STXBP6: variants seen among roughly 807,000 people sequenced by gnomAD.
STXBP6 encodes syntaxin binding protein 6.
A neutral mutation model predicts 26.9 loss-of-function variants in STXBP6; 21 were observed. That is an observed-to-expected ratio of 0.78 (90% CI 0.55 to 1.12). STXBP6 has a LOEUF of 1.12. STXBP6 is among the 50% of genes most tolerant of loss of function. The pLI, the probability that STXBP6 is intolerant of heterozygous loss-of-function variation, is 0.00. For missense variants in STXBP6, 232 were observed against 257.9 expected (o/e 0.90, Z 0.69); for synonymous variants, 97 against 92.6 (o/e 1.05, Z -0.27).
intron 1 of STXBP6, among the ~76,000 whole-genome samples, chr14:24,985,760 C>T (rs17109433): frequency 0.089 from 13,514 of 152,172 alleles, 1,975 homozygotes; most frequent in African/African-American, 0.31. Flanking sequence ...GGGCCTTACA[C>T]ACCAGCAGCT....
At position 24,809,864 on chromosome 14, in the gene STXBP6, G is replaced by A. The variant is rs2067772069; in HGVS notation, c.*2845C>T. On this transcript the variant is annotated 3_prime_UTR_variant, in exon 6 of 6. Transcript: ENST00000323944. ...CTATCTTTAATGCCCCTTATTTAGAGCATCCTGTAAATAATTTTAAATAGA... is the reference window on the plus strand; with the variant it reads ...CTATCTTTAATGCCCCTTATTTAGAACATCCTGTAAATAATTTTAAATAGA... The A allele has an allele frequency of 6.6e-6, 1 of 152,072 alleles. No homozygotes were observed. Among genetic ancestry groups the A allele is most frequent in the Admixed American group, 6.6e-5 (1 of 15,258 alleles). 9.4% of individuals were successfully genotyped at this position (152,072 alleles called of 1,614,324 possible).
intron 2 of STXBP6, among the ~76,000 whole-genome samples, chr14:24,892,815 A>G (rs1040683356): frequency 2.6e-5 from 4 of 152,212 alleles, no homozygotes; most frequent in African/African-American, 7.2e-5. Flanking sequence ...CTAAGATGTT[A>G]TCAAGCAGGA....
At chr14:24,875,836 G>A (rs2070122647) in intron 2 of STXBP6, among the ~76,000 whole-genome samples, 1 of 152,162 alleles carries the variant, frequency 6.6e-6, no homozygotes, top group Non-Finnish European at 1.5e-5. Flanking sequence ...GGGGAAATGA[G>A]TTGAGGGGTG....
intron 2 of STXBP6, among the ~76,000 whole-genome samples, chr14:24,886,789 T>C (rs1021717182): frequency 6.6e-6 from 1 of 152,194 alleles, no homozygotes; most frequent in Non-Finnish European, 1.5e-5. Context: ...AAAACACCAA[T>C]AAAGCAATTG....
chr14:24,943,422 T>A, intron 2 of STXBP6, among the ~76,000 whole-genome samples: 1 of 152,238 alleles, frequency 6.6e-6, no homozygotes, highest in East Asian at 1.9e-4. Context: ...CTGAAGCCAC[T>A]GCTTCTTTGG....
At chr14:24,965,595 T>C (rs1447470258) in intron 2 of STXBP6, among the ~76,000 whole-genome samples, 1 of 152,118 alleles carries the variant, frequency 6.6e-6, no homozygotes, top group Non-Finnish European at 1.5e-5. Context: ...CACACACATA[T>C]ACACAGTTCA....
chr14:24,913,268 A>C lies in STXBP6; in HGVS notation c.155-56111T>G, dbSNP rs188948074. 3.3e-4 allele frequency among the ~76,000 whole-genome samples: 51 copies of C among 152,326 alleles called. 1 individual carries two copies. Among genetic ancestry groups the C allele is most frequent in the African/African-American group, 1.2e-3 (49 of 41,588 alleles). ...ACAGTCCTGGAGATGAGGACCAGTT[A>C]ATAAGGAATGGGTCATCTGCTATAG... On this transcript the variant is annotated intron_variant, in intron 2 of 5. Coordinates refer to ENST00000323944, the MANE Select transcript of STXBP6 (RefSeq NM_001394410.1).
At chr14:24,867,651 T>C (rs779951779) in intron 2 of STXBP6, among the ~76,000 whole-genome samples, 1 of 150,372 alleles carries the variant, frequency 6.7e-6, no homozygotes, top group Non-Finnish European at 1.5e-5. Context: ...CTTTGTACTA[T>C]ACACAAAAAA....
intron 2 of STXBP6, among the ~76,000 whole-genome samples, chr14:24,944,513 T>C (rs972122113): frequency 2.6e-5 from 4 of 152,130 alleles, no homozygotes; most frequent in Non-Finnish European, 5.9e-5. Flanking sequence ...CCAGTGAAAA[T>C]GCGACTGCCT....
intron 2 of STXBP6, among the ~76,000 whole-genome samples, chr14:24,970,252 A>G (rs2073865261): frequency 6.6e-6 from 1 of 152,176 alleles, no homozygotes; most frequent in Non-Finnish European, 1.5e-5. Context: ...AAAAAAAAAA[A>G]AATCAATTTC....
At chr14:24,869,613 C>A (rs1020640644) in intron 2 of STXBP6, among the ~76,000 whole-genome samples, 3 of 152,070 alleles carry the variant, frequency 2.0e-5, no homozygotes, top group African/African-American at 7.2e-5. Flanking sequence ...ATAATTTGTG[C>A]CTAAATCGCA....
At chr14:25,013,033 A>T (rs914016715) in intron 1 of STXBP6, among the ~76,000 whole-genome samples, 1 of 152,188 alleles carries the variant, frequency 6.6e-6, no homozygotes, top group Non-Finnish European at 1.5e-5. Flanking sequence ...CTGAGGCTGC[A>T]GTGAGCTACG....
At chr14:24,849,591 A>C (rs571765573) in intron 4 of STXBP6, among the ~76,000 whole-genome samples, 2 of 152,190 alleles carry the variant, frequency 1.3e-5, no homozygotes, top group East Asian at 3.9e-4. Context: ...CATTTTCCTC[A>C]TCTGTACTTG....
chr14:24,850,476 C>T lies in STXBP6; in HGVS notation c.451+5460G>A, dbSNP rs1442210045. On this transcript the variant is annotated intron_variant, in intron 4 of 5. Transcript: ENST00000323944. ...ATATATGGCACTTCAAAATAGCCTG[C>T]TTTGTGAAAAAACAATCTGCCACAT... is the stretch of plus-strand genomic sequence containing the variant. 3.3e-5 allele frequency among the ~76,000 whole-genome samples: 5 copies of T among 152,080 alleles called. No homozygotes were observed. In the East Asian group the frequency reaches 9.6e-4, roughly 29 times the overall value.
At chr14:24,825,587 T>TA (rs2138831760) in intron 4 of STXBP6, among the ~76,000 whole-genome samples, 1 of 152,324 alleles carries the variant, frequency 6.6e-6, no homozygotes, top group African/African-American at 2.4e-5. Context: ...ACCATTCTAT[T>TA]AGGTCTTCTT....
chr14:24,957,397 C>T (rs904910175), intron 2 of STXBP6, among the ~76,000 whole-genome samples: 7 of 152,196 alleles, frequency 4.6e-5, no homozygotes, highest in South Asian at 2.1e-4. Context: ...CTTGTCATCA[C>T]GATCCTAATG....
chr14:24,836,951 C>T (rs916388681), intron 4 of STXBP6, among the ~76,000 whole-genome samples: 3 of 152,038 alleles, frequency 2.0e-5, no homozygotes, highest in East Asian at 1.9e-4. Flanking sequence ...GGCATTAGTT[C>T]GACAAAATGT....
intron 2 of STXBP6, among the ~76,000 whole-genome samples, chr14:24,859,007 C>T (rs546302660): frequency 7.9e-5 from 12 of 152,100 alleles, no homozygotes; most frequent in Non-Finnish European, 1.8e-4. Context: ...ATTTTCACTT[C>T]TGGTCCATTT....
At chr14:25,013,611 T>C (rs1392639272) in intron 1 of STXBP6, among the ~76,000 whole-genome samples, 1 of 151,778 alleles carries the variant, frequency 6.6e-6, no homozygotes, top group Non-Finnish European at 1.5e-5. Context: ...TAACTACCAG[T>C]TCACAAGAAA....
Sources: allele counts gnomAD v4.1 joint callset (sites outside exome capture counted in the v4.1 genomes callset), GRCh38; gene constraint gnomAD v4.1.1; transcripts MANE v1.5; gene names NCBI Gene and HGNC (gene_info 2026-07-23, HGNC 2026-07-21).